Variants in NFATC2 observed in about 807,000 individuals in gnomAD.
NFATC2 encodes nuclear factor of activated T cells 2, also known as nuclear factor of activated T-cells, cytoplasmic 2.
NFATC2 carries 22 observed loss-of-function variants against 87.3 expected under a neutral mutation model. That is an observed-to-expected ratio of 0.25 (90% CI 0.18 to 0.36). NFATC2 has a LOEUF of 0.36. Among genes scored for constraint, NFATC2 ranks in the 10% least tolerant of loss-of-function variants. The probability of loss-of-function intolerance (pLI) is 1.00; values close to 1 mark genes in which losing one functional copy is unlikely to be tolerated. For synonymous variants in NFATC2, 565 were observed against 542.2 expected (o/e 1.04, Z -0.58); for missense variants, 1,149 against 1,259.1 (o/e 0.91, Z 1.32).
At position 51,542,522 on chromosome 20, in the gene NFATC2, C is replaced by T; in HGVS notation, c.-23G>A. 7.2e-7 allele frequency: 1 copy of T among 1,395,026 alleles called. No individual in the cohort carries two copies. Among genetic ancestry groups the T allele is most frequent in the Non-Finnish European group, 9.3e-7 (1 of 1,078,434 alleles). 86.4% of individuals were successfully genotyped at this position (1,395,026 alleles called of 1,614,324 possible). ...CATGGCGCGCAGGGCGGGAAGGCTG[C>T]GGGGCCGGGGGCGAGGGCGGGCGCG... On this transcript the variant is annotated 5_prime_UTR_variant, in exon 1 of 11. Transcript: ENST00000371564.
At chr20:51,454,350 T>G (rs574027452) in intron 6 of NFATC2, among the ~76,000 whole-genome samples, 198 bp downstream of exon 6, 1 of 152,248 alleles carries the variant, frequency 6.6e-6, no homozygotes, top group South Asian at 2.1e-4. Context: ...CTAGAAGAGT[T>G]AAAATGTAGA....
At chr20:51,392,015 T>G (rs1303358002) in intron 10 of NFATC2, among the ~76,000 whole-genome samples, 1 of 152,250 alleles carries the variant, frequency 6.6e-6, no homozygotes, top group Non-Finnish European at 1.5e-5. Flanking sequence ...AAAAATGGAT[T>G]TGAGCCATAG....
intron 2 of NFATC2, among the ~76,000 whole-genome samples, chr20:51,517,406 C>T (rs539376577): frequency 9.2e-5 from 14 of 151,842 alleles, no homozygotes; most frequent in Admixed American, 6.6e-5. Context: ...CTGGGCAACA[C>T]GGAGAGACCC....
intron 2 of NFATC2, 128 bp downstream of exon 2, chr20:51,522,953 G>A (rs1002115267): frequency 2.3e-6 from 3 of 1,323,424 alleles, no homozygotes; most frequent in Admixed American, 2.2e-5. Context: ...AACCAGCAAG[G>A]GGCCAAGCCA....
In NFATC2 at chr20:51,397,526, C is replaced by A. The variant is rs151152541; in HGVS notation, c.*44+1117G>T. 9.5e-3 allele frequency among the ~76,000 whole-genome samples: 1,450 copies of A among 152,318 alleles called. 30 individuals are homozygous for A. The highest frequency in any genetic ancestry group is 0.034 in the African/African-American group (1,399 of 41,564). ...ACATTAAAAAGGCATCGCCCTTCGA[C>A]AAGTTCCCTGGGGGGCTTACAACCT... On this transcript the variant is annotated intron_variant, in intron 10 of 10. Transcript: ENST00000371564.
intron 3 of NFATC2, among the ~76,000 whole-genome samples, chr20:51,486,375 T>C (rs1233752946): frequency 2.6e-5 from 4 of 152,204 alleles, no homozygotes; most frequent in African/African-American, 9.7e-5. Context: ...ACAGGGCCTT[T>C]GCATATGCTA....
chr20:51,393,702 C>T (rs556386852), intron 10 of NFATC2, among the ~76,000 whole-genome samples: 7 of 152,194 alleles, frequency 4.6e-5, no homozygotes, highest in South Asian at 4.2e-4. Context: ...CAGGTGGGGT[C>T]GGGGCAGCTT....
chr20:51,471,942 C>T (rs1011018799), intron 5 of NFATC2, among the ~76,000 whole-genome samples: 2 of 152,162 alleles, frequency 1.3e-5, no homozygotes, highest in Non-Finnish European at 2.9e-5. Flanking sequence ...ACCTGTACAT[C>T]CTACACATGT....
In NFATC2 at chr20:51,562,404, C is replaced by T. The variant is rs2077040568; in HGVS notation, c.70+156G>A. ...TGGCCGGGGCGCGGGCGCCCCTCCG[C>T]GGGCCCCGCTACCTGTGCGCCGAGG... On this transcript the variant is annotated intron_variant, in intron 1 of 10. Transcript: ENST00000414705. This position sits in a 1 kb window ranked among gnomAD's most constrained non-coding sequence, Gnocchi z 5.8. Among the ~76,000 whole-genome samples the T allele has an allele frequency of 6.6e-6, 1 of 152,168 alleles. No homozygotes were observed. Among genetic ancestry groups the T allele is most frequent in the Non-Finnish European group, 1.5e-5 (1 of 68,016 alleles).
At position 51,397,843 on chromosome 20, in the gene NFATC2, C is replaced by T. The variant is rs76728301; in HGVS notation, c.*44+800G>A. On this transcript the variant is annotated intron_variant, in intron 10 of 10. Transcript: ENST00000371564. Reference sequence around the variant, plus strand: ...GGGCACTGTGTGTGCTGGTTTATTCCGATTAGAATATGGAGAAGATTAAAT... The same window carrying T: ...GGGCACTGTGTGTGCTGGTTTATTCTGATTAGAATATGGAGAAGATTAAAT... Among the ~76,000 whole-genome samples the T allele has an allele frequency of 2.1e-4, 32 of 152,220 alleles. No homozygotes were observed. The East Asian group carries it at 5.0e-3, about 24-fold the overall frequency.
In NFATC2 at chr20:51,562,511, G is replaced by C; in HGVS notation, c.70+49C>G. On this transcript the variant is annotated intron_variant, in intron 1 of 10. Coordinates refer to the NFATC2 transcript ENST00000414705. The surrounding 1 kb of genome is among the most constrained non-coding windows in gnomAD (Gnocchi z 5.8). The stretch of plus-strand genomic sequence containing the variant: ...CCCGGGACGGGAGCAGCAGGAAAGG[G>C]CCGGGAGGAGCGAGCGGAAAAGGCT... 1 of 1,490,024 alleles carries C rather than the reference G, an allele frequency of 6.7e-7. No individual in the cohort carries two copies. Among genetic ancestry groups the C allele is most frequent in the Non-Finnish European group, 9.1e-7 (1 of 1,093,622 alleles). The allele number at this position is 1,490,024 out of a possible 1,614,324, so 92.3% of individuals were successfully genotyped here.
chr20:51,393,341 G>C (rs565698862), intron 10 of NFATC2, among the ~76,000 whole-genome samples: 1 of 151,998 alleles, frequency 6.6e-6, no homozygotes, highest in Non-Finnish European at 1.5e-5. Flanking sequence ...TGAGGTGCTT[G>C]GATGAGATAA....
intron 3 of NFATC2, among the ~76,000 whole-genome samples, chr20:51,496,847 T>G (rs909760650): frequency 6.6e-6 from 1 of 152,196 alleles, no homozygotes; most frequent in Non-Finnish European, 1.5e-5. Flanking sequence ...GGGCACTCCC[T>G]GAAAGCAAGA....
At chr20:51,412,997 C>CCCCCCCCG (rs1979491187) in intron 9 of NFATC2, among the ~76,000 whole-genome samples, 1 of 5,130 alleles carries the variant, frequency 1.9e-4, no homozygotes, top group Admixed American at 2.1e-3. Flanking sequence ...GCTCCCGCCG[C>CCCCCCCCG]CCCCCCCCCT....
At chr20:51,513,696 C>T (rs1405512025) in intron 3 of NFATC2, among the ~76,000 whole-genome samples, 2 of 152,244 alleles carry the variant, frequency 1.3e-5, no homozygotes, top group Admixed American at 6.5e-5. Context: ...AGCCCAACCT[C>T]CAGGCCACAG....
intron 6 of NFATC2, among the ~76,000 whole-genome samples, chr20:51,446,877 C>G (rs1185946167): frequency 6.6e-6 from 1 of 152,156 alleles, no homozygotes; most frequent in African/African-American, 2.4e-5. Context: ...TCCGGAGAGC[C>G]TTAGTCATGC....
At chr20:51,447,980 C>A (rs764328443) in intron 6 of NFATC2, among the ~76,000 whole-genome samples, 1 of 152,184 alleles carries the variant, frequency 6.6e-6, no homozygotes, top group East Asian at 1.9e-4. Context: ...GGGGATAATG[C>A]TGCCCGCTTC....
chr20:51,495,420 A>C (rs914088823), intron 3 of NFATC2, among the ~76,000 whole-genome samples: 1 of 152,178 alleles, frequency 6.6e-6, no homozygotes, highest in African/African-American at 2.4e-5. Context: ...GACTTGTGTG[A>C]CCGCATATTC....
chr20:51,448,215 G>A (rs1029342083), intron 6 of NFATC2, among the ~76,000 whole-genome samples: 1 of 152,174 alleles, frequency 6.6e-6, no homozygotes. Context: ...AACAGAGCCG[G>A]GCAGTGGCAC....
Sources: allele counts gnomAD v4.1 joint callset (sites outside exome capture counted in the v4.1 genomes callset), GRCh38; gene constraint gnomAD v4.1.1; non-coding constraint Gnocchi (gnomAD v3.1); transcripts MANE v1.5; gene names NCBI Gene and HGNC (gene_info 2026-07-23, HGNC 2026-07-21).